Variants in HEG1 observed in about 807,000 individuals in gnomAD.
HEG1 encodes protein HEG homolog 1.
A neutral mutation model predicts 125.6 loss-of-function variants in HEG1; 56 were observed. The ratio of observed to expected loss-of-function variants is 0.45; its 90% CI spans 0.36 to 0.56. The LOEUF (loss-of-function observed/expected upper bound fraction) is 0.56. Among genes scored for constraint, HEG1 ranks in the 20% least tolerant of loss-of-function variants. The probability of loss-of-function intolerance (pLI) is 0.00; values close to 1 mark genes in which losing one functional copy is unlikely to be tolerated. For synonymous variants in HEG1, 644 were observed against 668.5 expected, an observed-to-expected ratio of 0.96 and a Z score of 0.57; for missense variants, 1,523 against 1,670.0, an observed-to-expected ratio of 0.91 and a Z score of 1.53.
intron 14 of HEG1, among the ~76,000 whole-genome samples, chr3:124,990,511 G>A (rs553332228): frequency 4.6e-5 from 7 of 152,010 alleles, no homozygotes; most frequent in African/African-American, 7.2e-5. Context: ...GCTAATTTTT[G>A]TATTTTTACT....
At chr3:124,971,059 G>A (rs1936414424) in intron 16 of HEG1, 1 of 573,756 alleles carries the variant, frequency 1.7e-6, no homozygotes, top group Non-Finnish European at 3.3e-6. Context: ...AAGGTCCTAC[G>A]ACCATCTAGT....
intron 1 of HEG1, among the ~76,000 whole-genome samples, chr3:125,030,601 G>A (rs898069835): frequency 1.3e-5 from 2 of 152,216 alleles, no homozygotes; most frequent in African/African-American, 2.4e-5. Flanking sequence ...GACTTTATAT[G>A]TAATGATCTC....
At chr3:125,031,227 C>G (rs1255931366) in intron 1 of HEG1, among the ~76,000 whole-genome samples, 1 of 152,182 alleles carries the variant, frequency 6.6e-6, no homozygotes, top group East Asian at 1.9e-4. Context: ...CTGCACCCAA[C>G]CTGGCCACTG....
chr3:124,974,003 CTACCATT>C, intron 15 of HEG1, 98 bp from the exon 16 acceptor site: 1 of 797,466 alleles, frequency 1.3e-6, no homozygotes, highest in Non-Finnish European at 2.0e-6. Context: ...CAACTGAAAG[CTACCATT>C]ATATTTATTT....
At chr3:125,010,048 G>A (rs369827900) in intron 7 of HEG1, among the ~76,000 whole-genome samples, 4 of 152,166 alleles carry the variant, frequency 2.6e-5, no homozygotes, top group Admixed American at 1.3e-4. Flanking sequence ...TTGCATATAC[G>A]GGGGAAACAG....
At position 124,967,698 on chromosome 3, in the gene HEG1, C is replaced by T. The variant is rs922002022; in HGVS notation, c.*2954G>A. 6.6e-6 allele frequency: 1 copy of T among 152,090 alleles called. No homozygotes were observed. The highest frequency in any genetic ancestry group is 1.5e-5 in the Non-Finnish European group (1 of 68,032). 9.4% of individuals were successfully genotyped at this position (152,090 alleles called of 1,614,324 possible). A position where few individuals can be genotyped will look rare whatever the true frequency, so the allele number is the denominator to read the frequency against. On this transcript the variant is annotated 3_prime_UTR_variant, in exon 17 of 17. Transcript: ENST00000311127. Reference sequence around the variant, plus strand: ...TTCAGTCCTGCTTCTACAGGGCAAGCTATTTATCCTCTCTGAAGGTTTCTG... The same window carrying T: ...TTCAGTCCTGCTTCTACAGGGCAAGTTATTTATCCTCTCTGAAGGTTTCTG...
rs565943913 is a variant in HEG1 at position 125,001,875 on chromosome 3, C to T, written c.3494G>A (p.Gly1165Glu). The part of the protein sequence containing the change: ...KSSAEVCQLL[G>E]SQRRIFRAGS... ...ACCTCTAAAGATCCGCCTCTGAGAT[C>T]CCAAGAGCTGGCAGACCTCAGCAGA... Residue 1165 changes from glycine to glutamate, a missense_variant, in exon 11 of 17, where the codon GGA becomes GAA. By Grantham distance (98) the Gly-to-Glu change is moderately conservative. Transcript: ENST00000311127. The T allele has an allele frequency of 5.0e-6, 8 of 1,613,340 alleles. No homozygotes were observed. The highest frequency in any genetic ancestry group is 2.2e-5 in the South Asian group (2 of 90,816).
At chr3:125,018,814 A>G (rs1283165295) in intron 5 of HEG1, among the ~76,000 whole-genome samples, 1 of 151,964 alleles carries the variant, frequency 6.6e-6, no homozygotes, top group Admixed American at 6.6e-5. Flanking sequence ...GGGCCTGGGA[A>G]ATAAGGAAGG....
At chr3:125,008,068 C>T (rs1033092185) in intron 8 of HEG1, among the ~76,000 whole-genome samples, 1 of 152,120 alleles carries the variant, frequency 6.6e-6, no homozygotes, top group African/African-American at 2.4e-5. Context: ...TGCCACCATG[C>T]CTGGCTAATT....
chr3:124,997,815 A>G lies in HEG1; in HGVS notation c.3526T>C (p.Leu1176=). The change falls in exon 12 of 17, where the codon TTG becomes CTG. Residue 1176 remains leucine (L), a synonymous_variant. Coordinates refer to ENST00000311127, the MANE Select transcript of HEG1 (RefSeq NM_020733.2). ...SQRRIFRAGS[L]CKRKSPECDK... ...CATTCGGGACTCTTCCGCTTGCACA[A>G]GCTGCCCGCTGGAATGGAAAAACAA... 1 of 1,574,496 alleles carries G rather than the reference A, an allele frequency of 6.4e-7. No homozygotes were observed. Among genetic ancestry groups the G allele is most frequent in the Non-Finnish European group, 8.7e-7 (1 of 1,155,078 alleles).
intron 6 of HEG1, 67 bp from the exon 7 acceptor site, chr3:125,010,622 T>A (rs1395268128): frequency 1.2e-5 from 11 of 920,854 alleles, no homozygotes; most frequent in Admixed American, 9.8e-5. Context: ...TTTAGGTAAA[T>A]ATTTAATTCT....
At chr3:125,022,396 C>CGAGAGAGAGAGAGA (rs10565452) in intron 3 of HEG1, among the ~76,000 whole-genome samples, 107 of 142,726 alleles carry the variant, frequency 7.5e-4, no homozygotes, top group African/African-American at 2.6e-3. Context: ...ATCACTACAG[C>CGAGAGAGAGAGAGA]GAGAGAGAGA....
At chr3:124,997,908 TG>T in intron 11 of HEG1, 85 bp from the exon 12 acceptor site, 1 of 1,369,582 alleles carries the variant, frequency 7.3e-7, no homozygotes, top group Non-Finnish European at 9.7e-7. Context: ...AAAGCTCATG[TG>T]TCTGCATGAA....
At chr3:125,010,684 C>T in intron 6 of HEG1, 129 bp from the exon 7 acceptor site, 2 of 670,378 alleles carry the variant, frequency 3.0e-6, no homozygotes, top group African/African-American at 1.8e-5. Context: ...CCTGAAAGGC[C>T]ACATTACAAA....
In HEG1 at chr3:125,013,792, GA is replaced by G; in HGVS notation, c.1786del (p.Ser596GlnfsTer107). The G allele has an allele frequency of 2.5e-6, 4 of 1,613,768 alleles. No individual in the cohort carries two copies. The highest frequency in any genetic ancestry group is 3.4e-6 in the Non-Finnish European group (4 of 1,179,676). The part of the protein sequence containing the change: ...SYIKISNSSH[S>X]EYSSFFHAQT... ...AGCATGAAAAAAGGAGGAATACTCT[GA>G]ATGTGAAGAGTTTGAGATTTTAATA... On this transcript the variant is annotated frameshift_variant, in exon 6 of 17. Coordinates refer to ENST00000311127, the MANE Select transcript of HEG1 (RefSeq NM_020733.2). LOFTEE classifies it high-confidence loss of function.
chr3:124,971,122 A>G (rs1457842736), intron 16 of HEG1: 2 of 498,828 alleles, frequency 4.0e-6, no homozygotes, highest in South Asian at 3.1e-5. Context: ...TCCTCAAGTG[A>G]CCAGTTGGAT....
In HEG1 at chr3:125,055,602, C is replaced by A; in HGVS notation, c.289G>T (p.Gly97Cys). 8.3e-7 allele frequency: 1 copy of A among 1,205,458 alleles called. No individual in the cohort carries two copies. Among genetic ancestry groups the A allele is most frequent in the South Asian group, 4.1e-5 (1 of 24,146 alleles). The allele number at this position is 1,205,458 out of a possible 1,614,324, so 74.7% of individuals were successfully genotyped here. ...PGAATQRGPS[G>C]RAPRGGSADA... ...GCGCTCCCGCCTCTGGGGGCCCGGCCGGAGGGTCCCCGCTGTGTCGCGGCG... is the reference window on the plus strand; with the variant it reads ...GCGCTCCCGCCTCTGGGGGCCCGGCAGGAGGGTCCCCGCTGTGTCGCGGCG... The change falls in exon 1 of 17, where the codon GGC becomes TGC. Residue 97 changes from glycine to cysteine, a missense_variant. Physicochemically the swap from Gly to Cys is radical, Grantham distance 159. Coordinates refer to ENST00000311127, the MANE Select transcript of HEG1 (RefSeq NM_020733.2).
chr3:124,968,294 C>CA lies in HEG1; in HGVS notation c.*2357dup, dbSNP rs1001019633. On this transcript the variant is annotated 3_prime_UTR_variant, in exon 17 of 17. Transcript: ENST00000311127. ...TCTCCCTTCCTCACTGGGTCACAGA[C>CA]ATGCTTTACTCATGTCCCCTTAGAG... 4.6e-5 allele frequency: 7 copies of CA among 152,378 alleles called. No homozygotes were observed. The highest frequency in any genetic ancestry group is 7.3e-5 in the Non-Finnish European group (5 of 68,196). The allele number at this position is 152,378 out of a possible 1,614,324, so 9.4% of individuals were successfully genotyped here. A position where few individuals can be genotyped will look rare whatever the true frequency, so the allele number is the denominator to read the frequency against.
chr3:124,989,780 A>T (rs1936798638), intron 14 of HEG1, among the ~76,000 whole-genome samples: 1 of 152,166 alleles, frequency 6.6e-6, no homozygotes, highest in African/African-American at 2.4e-5. Context: ...TCCTCTGTCC[A>T]GTCTGTTCTC....
Sources: gnomAD v4.1 joint callset for allele counts (sites outside exome capture counted in the v4.1 genomes callset) on GRCh38, gnomAD v4.1.1 for gene constraint, MANE v1.5 for transcripts, NCBI Gene and HGNC (gene_info 2026-07-23, HGNC 2026-07-21) for gene names.